GUCY1A2: variants seen among roughly 807,000 people sequenced by gnomAD.
GUCY1A2 encodes the protein guanylate cyclase 1 soluble subunit alpha 2.
A neutral mutation model predicts 63.5 loss-of-function variants in GUCY1A2; 27 were observed. The ratio of observed to expected loss-of-function variants is 0.43; its 90% CI spans 0.31 to 0.59. The LOEUF is 0.59. GUCY1A2 is among the 20% of genes least tolerant of loss of function. The pLI is 0.11. For synonymous variants in GUCY1A2, 364 were observed against 343.5 expected, an observed-to-expected ratio of 1.06 and a Z score of -0.66; for missense variants, 768 against 913.3, an observed-to-expected ratio of 0.84 and a Z score of 2.05.
At chr11:106,931,425 T>G (rs1860599736) in intron 4 of GUCY1A2, among the ~76,000 whole-genome samples, 1 of 152,196 alleles carries the variant, frequency 6.6e-6, no homozygotes, top group Non-Finnish European at 1.5e-5. Context: ...ATAAGCTCTT[T>G]GAAAAACAGT....
chr11:106,697,268 C>G (rs1862736406), intron 7 of GUCY1A2, among the ~76,000 whole-genome samples: 1 of 152,148 alleles, frequency 6.6e-6, no homozygotes. Context: ...TTAATAAGAG[C>G]TGCAGAAAGG....
intron 4 of GUCY1A2, among the ~76,000 whole-genome samples, chr11:106,862,175 G>C (rs541628883): frequency 1.3e-5 from 2 of 152,078 alleles, no homozygotes; most frequent in East Asian, 1.9e-4. Flanking sequence ...GTTAATAGTG[G>C]AAAGACTATA....
intron 6 of GUCY1A2, among the ~76,000 whole-genome samples, chr11:106,729,088 G>A (rs967029883): frequency 2.6e-5 from 4 of 152,154 alleles, no homozygotes; most frequent in Non-Finnish European, 4.4e-5. Flanking sequence ...CAGATGAGAT[G>A]TCTGCTTTTA....
chr11:106,800,861 C>T (rs1394694352), intron 5 of GUCY1A2, among the ~76,000 whole-genome samples: 1 of 151,550 alleles, frequency 6.6e-6, no homozygotes, highest in Admixed American at 6.6e-5. Context: ...ACGTTATGCA[C>T]ATGTACCCTA....
At chr11:106,812,171 AT>A (rs1858770446) in intron 4 of GUCY1A2, among the ~76,000 whole-genome samples, 1 of 151,928 alleles carries the variant, frequency 6.6e-6, no homozygotes, top group African/African-American at 2.4e-5. Flanking sequence ...TTTAAAAATT[AT>A]TATATAAATT....
intron 3 of GUCY1A2, among the ~76,000 whole-genome samples, chr11:106,941,353 T>G (rs751753179): frequency 6.6e-6 from 1 of 152,144 alleles, no homozygotes; most frequent in Non-Finnish European, 1.5e-5. Flanking sequence ...GATCCCCCCC[T>G]TGAGGATGAT....
intron 3 of GUCY1A2, among the ~76,000 whole-genome samples, chr11:106,951,689 C>T (rs1860911538): frequency 6.6e-6 from 1 of 152,114 alleles, no homozygotes; most frequent in African/African-American, 2.4e-5. Context: ...TGTAGGTTGC[C>T]TGTTCACTCT....
At position 107,017,785 on chromosome 11, in the gene GUCY1A2, C is replaced by A; in HGVS notation, c.271G>T (p.Gly91Cys). 7.0e-7 allele frequency: 1 copy of A among 1,429,318 alleles called. No individual in the cohort carries two copies. Among genetic ancestry groups the A allele is most frequent in the East Asian group, 2.8e-5 (1 of 35,662 alleles). The allele number at this position is 1,429,318 out of a possible 1,614,324, so 88.5% of individuals were successfully genotyped here. ...GCCGTCAGGCGGCTGATGCTCTCGC[C>A]CAGCGAGTCCAGGTTGACCCGCCTC... ...RRRRVNLDSL[G>C]ESISRLTAPS... Residue 91 changes from glycine to cysteine, a missense_variant, in exon 1 of 8, where the codon GGC becomes TGC. Around this residue, in one of 3 missense-constraint regions of GUCY1A2, gnomAD observed 496 missense variants for 486.9 expected, o/e 1.02. Coordinates refer to ENST00000526355, the MANE Select transcript of GUCY1A2 (RefSeq NM_000855.3).
intron 1 of GUCY1A2, among the ~76,000 whole-genome samples, chr11:106,999,524 A>G (rs1280523024): frequency 6.6e-6 from 1 of 152,174 alleles, no homozygotes; most frequent in Non-Finnish European, 1.5e-5. Context: ...TGGATTTATA[A>G]TCACACAAAG....
At chr11:106,988,963 T>C (rs778327505) in intron 1 of GUCY1A2, among the ~76,000 whole-genome samples, 11 of 152,202 alleles carry the variant, frequency 7.2e-5, no homozygotes, top group Middle Eastern at 3.2e-3. Context: ...GCCAAAGCCT[T>C]CCATCAGATG....
intron 4 of GUCY1A2, among the ~76,000 whole-genome samples, chr11:106,878,204 G>A (rs186957740): frequency 1.3e-5 from 2 of 152,186 alleles, no homozygotes; most frequent in East Asian, 3.9e-4. Context: ...TTCAACCATT[G>A]TGGAAAACAA....
At chr11:106,944,726 G>C (rs1185287800) in intron 3 of GUCY1A2, among the ~76,000 whole-genome samples, 1 of 152,134 alleles carries the variant, frequency 6.6e-6, no homozygotes, top group East Asian at 1.9e-4. Flanking sequence ...GTATAATGAA[G>C]ATGAAGCCAA....
Position 106,681,483 on chromosome 11 carries a change from A to T in GUCY1A2, c.*6066T>A. 4.5e-6 allele frequency: 1 copy of T among 220,716 alleles called. No homozygotes were observed. The highest frequency in any genetic ancestry group is 9.1e-6 in the Non-Finnish European group (1 of 110,058). The allele number at this position is 220,716 out of a possible 1,614,324, so 13.7% of individuals were successfully genotyped here. On this transcript the variant is annotated 3_prime_UTR_variant, in exon 8 of 8. Transcript: ENST00000526355. The stretch of plus-strand genomic sequence containing the variant: ...TGGGCAACATTATAAATAATACACA[A>T]ATCTCTTTGACAGGAATAGAAATCA...
intron 6 of GUCY1A2, among the ~76,000 whole-genome samples, chr11:106,721,495 C>G (rs1164755783): frequency 6.6e-6 from 1 of 152,076 alleles, no homozygotes; most frequent in Non-Finnish European, 1.5e-5. Context: ...GTCAACCAAC[C>G]GATAACAAAG....
At chr11:106,784,666 G>T (rs1371992454) in intron 5 of GUCY1A2, among the ~76,000 whole-genome samples, 1 of 152,110 alleles carries the variant, frequency 6.6e-6, no homozygotes, top group Non-Finnish European at 1.5e-5. Flanking sequence ...TACCAAAAAG[G>T]AAAGTTATTA....
chr11:106,872,383 A>G (rs886919130), intron 4 of GUCY1A2, among the ~76,000 whole-genome samples: 1 of 152,194 alleles, frequency 6.6e-6, no homozygotes, highest in Admixed American at 6.6e-5. Flanking sequence ...AAAGGTCACA[A>G]CATTGCTACA....
chr11:106,958,737 G>A (rs1351959226), intron 3 of GUCY1A2, among the ~76,000 whole-genome samples: 2 of 152,164 alleles, frequency 1.3e-5, no homozygotes, highest in African/African-American at 4.8e-5. Flanking sequence ...TTCAGATAAG[G>A]GGAGCTAACA....
chr11:106,867,227 C>A (rs1160185436), intron 4 of GUCY1A2, among the ~76,000 whole-genome samples: 1 of 151,920 alleles, frequency 6.6e-6, no homozygotes, highest in East Asian at 1.9e-4. Flanking sequence ...AAAACACTGT[C>A]CAAAGTATAT....
At chr11:106,878,439 T>C (rs968580434) in intron 4 of GUCY1A2, among the ~76,000 whole-genome samples, 3 of 151,986 alleles carry the variant, frequency 2.0e-5, no homozygotes, top group Non-Finnish European at 4.4e-5. Flanking sequence ...TAGAATACCA[T>C]ATAACCATAA....
Sources: allele counts gnomAD v4.1 joint callset (sites outside exome capture counted in the v4.1 genomes callset), GRCh38; gene constraint gnomAD v4.1.1; regional missense constraint gnomAD v4.1.1; transcripts MANE v1.5; gene names NCBI Gene and HGNC (gene_info 2026-07-23, HGNC 2026-07-21).